TRIO: variants seen among roughly 807,000 people sequenced by gnomAD.
TRIO encodes the protein triple functional domain protein.
TRIO carries 58 observed loss-of-function variants against 351.9 expected under a neutral mutation model. That is an observed-to-expected ratio of 0.16 (90% confidence interval 0.13 to 0.21). TRIO has a LOEUF of 0.21. Ranked by LOEUF, TRIO falls within the 10% of genes least tolerant of loss-of-function variation. TRIO has a pLI of 1.00. For missense variants in TRIO, 3,201 were observed against 4,027.8 expected (o/e 0.79, Z 5.56); for synonymous variants, 1,758 against 1,595.7 (o/e 1.10, Z -2.42).
chr5:14,319,853 G>A (rs1056967475), intron 9 of TRIO, among the ~76,000 whole-genome samples: 1 of 152,130 alleles, frequency 6.6e-6, no homozygotes, highest in African/African-American at 2.4e-5. Flanking sequence ...GGTTAATTTT[G>A]GTTTCGAGGT....
intron 1 of TRIO, among the ~76,000 whole-genome samples, chr5:14,154,319 C>A (rs1787985704): frequency 6.6e-6 from 1 of 152,086 alleles, no homozygotes; most frequent in Admixed American, 6.5e-5. Context: ...TCCTTTCTAA[C>A]TTAGGAAAGG....
intron 28 of TRIO, among the ~76,000 whole-genome samples, chr5:14,394,381 G>A (rs1378145495): frequency 6.6e-6 from 1 of 152,166 alleles, no homozygotes; most frequent in Non-Finnish European, 1.5e-5. Context: ...ATCAGTTCTT[G>A]ATATTTTAGT....
At chr5:14,373,395 ACTGTGGG>A (rs1745291688) in intron 18 of TRIO, among the ~76,000 whole-genome samples, 1 of 152,206 alleles carries the variant, frequency 6.6e-6, no homozygotes, top group African/African-American at 2.4e-5. Context: ...GAATGACTAG[ACTGTGGG>A]CTCTAAATAC....
At chr5:14,355,229 C>T (rs1488551859) in intron 11 of TRIO, among the ~76,000 whole-genome samples, 1 of 152,202 alleles carries the variant, frequency 6.6e-6, no homozygotes, top group Non-Finnish European at 1.5e-5. Flanking sequence ...TATTTTGACT[C>T]TTTCATGAAA....
chr5:14,486,429 A>G (rs1265201609), intron 47 of TRIO, among the ~76,000 whole-genome samples: 1 of 152,134 alleles, frequency 6.6e-6, no homozygotes, highest in African/African-American at 2.4e-5. Context: ...CCAAGTTTCC[A>G]TCCTGCTTGC....
chr5:14,160,058 T>G lies in TRIO; in HGVS notation c.157+16176T>G, dbSNP rs969171534. Among the ~76,000 whole-genome samples the G allele has an allele frequency of 3.9e-5, 6 of 152,350 alleles. No homozygotes were observed. The East Asian group carries it at 1.2e-3, about 29-fold the overall frequency. ...TTCATACAGAGTATTCCAACTCAAT[T>G]AAAAAAGAGACATCGCAGAAGAATT... On this transcript the variant is annotated intron_variant, in intron 1 of 56. Transcript: ENST00000344204.
chr5:14,187,916 ATTTG>A (rs1389833316), intron 1 of TRIO, among the ~76,000 whole-genome samples: 2 of 152,168 alleles, frequency 1.3e-5, no homozygotes, highest in Non-Finnish European at 2.9e-5. Flanking sequence ...TGAAGTTTTT[ATTTG>A]TTCTGTCACC....
chr5:14,375,822 T>C (rs1295544613), intron 19 of TRIO, among the ~76,000 whole-genome samples: 1 of 152,228 alleles, frequency 6.6e-6, no homozygotes, highest in Non-Finnish European at 1.5e-5. Context: ...TTCATTTTCA[T>C]GTGCAATATT....
In TRIO at chr5:14,363,875, C is replaced by T. The variant is rs754934109; in HGVS notation, c.2535C>T (p.Val845=). 9 of 1,614,192 alleles carry T rather than the reference C, an allele frequency of 5.6e-6. No individual in the cohort carries two copies. The highest frequency in any genetic ancestry group is 7.6e-6 in the Non-Finnish European group (9 of 1,180,034). Residue 845 remains valine (V), a synonymous_variant, in exon 14 of 57, where the codon GTC becomes GTT. Transcript: ENST00000344204. The part of the protein sequence containing the change: ...ALTMNNLTFD[V]IHQGQDLLQY... ...CCATGAACAACTTGACTTTTGACGT[C>T]ATCCACCAAGGGCAAGATCTTCTGC...
At chr5:14,213,110 G>A (rs573611657) in intron 1 of TRIO, among the ~76,000 whole-genome samples, 7 of 152,262 alleles carry the variant, frequency 4.6e-5, no homozygotes, top group Middle Eastern at 3.4e-3. Context: ...AAACAACCTT[G>A]CAAACACTGA....
rs767903993 is a variant in TRIO at position 14,316,740 on chromosome 5, G to T, written c.1728G>T (p.Gln576His). 2 of 1,613,040 alleles carry T rather than the reference G, an allele frequency of 1.2e-6. No homozygotes were observed. The highest frequency in any genetic ancestry group is 1.3e-5 in the African/African-American group (1 of 75,038). ...LQLCVFQQDV[Q>H]QVLDWIENHG... ...TGTGTGTTTTCCAGCAGGACGTTCA[G>T]CAGGTCAGTTTCGCCTCATGCCCTT... Residue 576 changes from glutamine (Q) to histidine (H), a missense_variant, in exon 9 of 57, where the codon CAG (glutamine) becomes CAT (histidine). Gln to His is a conservative substitution (Grantham distance 24). Transcript: ENST00000344204.
At chr5:14,376,908 GA>G (rs1745612954) in intron 19 of TRIO, among the ~76,000 whole-genome samples, 1 of 152,188 alleles carries the variant, frequency 6.6e-6, no homozygotes, top group African/African-American at 2.4e-5. Context: ...CGTCTAGCAG[GA>G]AAGCAGTGAA....
rs751857690 is a variant in TRIO, at chr5:14,507,289, G to A, written c.8751+29G>A. On this transcript the variant is annotated intron_variant, in intron 56 of 56. Transcript: ENST00000344204. Reference sequence around the variant, plus strand: ...GGTGAGGCCCCGGGCAGGTGAAGGGGGGTCTGAGCACACCGGCTTGGCCAT... The same window carrying A: ...GGTGAGGCCCCGGGCAGGTGAAGGGAGGTCTGAGCACACCGGCTTGGCCAT... 6.2e-6 allele frequency: 10 copies of A among 1,609,250 alleles called. No individual in the cohort carries two copies. The South Asian group carries it at 8.8e-5, about 14-fold the overall frequency.
At position 14,213,496 on chromosome 5, in the gene TRIO, T is replaced by C. The variant is rs867925774; in HGVS notation, c.158-57329T>C. Among the ~76,000 whole-genome samples the C allele has an allele frequency of 2.6e-5, 4 of 152,092 alleles. No homozygotes were observed. In the South Asian group the frequency reaches 8.3e-4, roughly 32 times the overall value. On this transcript the variant is annotated intron_variant, in intron 1 of 56. Transcript: ENST00000344204. Reference sequence around the variant, plus strand: ...TGATGCACAAGTTAGCTGTGCTTGTTTCTAACCCATTTATGCCAAGGACAC... The same window carrying C: ...TGATGCACAAGTTAGCTGTGCTTGTCTCTAACCCATTTATGCCAAGGACAC...
chr5:14,151,359 G>A (rs148129775), intron 1 of TRIO, among the ~76,000 whole-genome samples: 5 of 144,058 alleles, frequency 3.5e-5, no homozygotes, highest in African/African-American at 1.3e-4. Context: ...GTTGGTGCCT[G>A]TTTTTTCATT....
rs112190609 is a variant in TRIO at position 14,477,927 on chromosome 5, A to G, written c.6153+964A>G. On this transcript the variant is annotated intron_variant, in intron 41 of 56. Transcript: ENST00000344204. ...GGCAGATACATATTTCCAAAATTTT[A>G]ATTTTTTGCTTGAAAGCTGTAATTT... 3.5e-3 allele frequency among the ~76,000 whole-genome samples: 531 copies of G among 152,300 alleles called. 2 individuals are homozygous for G. The highest frequency in any genetic ancestry group is 0.012 in the African/African-American group (499 of 41,568).
At chr5:14,273,887 A>G (rs981134448) in intron 2 of TRIO, among the ~76,000 whole-genome samples, 13 of 152,234 alleles carry the variant, frequency 8.5e-5, no homozygotes, top group Non-Finnish European at 1.8e-4. Context: ...TTTAACATCA[A>G]AAGGAAAGAA....
In TRIO at chr5:14,397,117, G is replaced by A; in HGVS notation, c.4386G>A (p.Lys1462=). The change falls in exon 29 of 57, where the codon AAG becomes AAA. Residue 1462 remains lysine, a synonymous_variant. Coordinates refer to ENST00000344204, the MANE Select transcript of TRIO (RefSeq NM_007118.4). ...DGLEVMLSVP[K]RANDAMHLSM... ...TGGAGGTGATGCTCAGCGTGCCGAAGCGAGCCAATGATGCCATGCACCTCA... is the reference window on the plus strand; with the variant it reads ...TGGAGGTGATGCTCAGCGTGCCGAAACGAGCCAATGATGCCATGCACCTCA... 3.1e-6 allele frequency: 5 copies of A among 1,609,330 alleles called. No homozygotes were observed. The highest frequency in any genetic ancestry group is 4.2e-6 in the Non-Finnish European group (5 of 1,178,670).
chr5:14,435,754 G>C (rs143083663), intron 34 of TRIO, among the ~76,000 whole-genome samples: 7 of 152,248 alleles, frequency 4.6e-5, no homozygotes, highest in African/African-American at 1.7e-4. Context: ...GATTGTTCCA[G>C]CTGTGGCTAT....
Sources: gnomAD v4.1 joint callset for allele counts (sites outside exome capture counted in the v4.1 genomes callset) on GRCh38, gnomAD v4.1.1 for gene constraint, MANE v1.5 for transcripts, NCBI Gene and HGNC (gene_info 2026-07-23, HGNC 2026-07-21) for gene names.